PLXNA2: variants seen among roughly 807,000 people sequenced by gnomAD.
The protein encoded by PLXNA2 is plexin-A2.
Under a neutral mutation model 193.5 loss-of-function variants are expected in PLXNA2, and 91 were observed. The observed-to-expected ratio is 0.47, with a 90% CI of 0.40 to 0.56. The LOEUF (loss-of-function observed/expected upper bound fraction) is 0.56. Ranked by LOEUF, PLXNA2 falls within the 20% of genes least tolerant of loss-of-function variation. The probability of loss-of-function intolerance (pLI) is 0.00; values close to 1 mark genes in which losing one functional copy is unlikely to be tolerated. For synonymous variants in PLXNA2, 997 were observed against 1,027.3 expected, an observed-to-expected ratio of 0.97 and a Z score of 0.56; for missense variants, 1,995 against 2,503.2, an observed-to-expected ratio of 0.80 and a Z score of 4.33.
Position 208,244,371 on chromosome 1 carries a change from T to G in PLXNA2, c.-809A>C. ...GAGCGCCGGCCTCCCTATTTCACCATGCAGCTCATTATCATAGAGGCCGCG... is the reference window on the plus strand; with the variant it reads ...GAGCGCCGGCCTCCCTATTTCACCAGGCAGCTCATTATCATAGAGGCCGCG... On this transcript the variant is annotated 5_prime_UTR_variant, in exon 1 of 32. It removes an upstream start codon present in the reference 5' UTR. Transcript: ENST00000367033. 1.7e-5 allele frequency: 3 copies of G among 172,904 alleles called. 1 individual carries two copies. In the South Asian group the frequency reaches 4.0e-4, roughly 23 times the overall value. The allele number at this position is 172,904 out of a possible 1,614,324, so 10.7% of individuals were successfully genotyped here. A position where few individuals can be genotyped will look rare whatever the true frequency, so the allele number is the denominator to read the frequency against.
At chr1:208,096,969 T>A in intron 6 of PLXNA2, 86 bp from the exon 7 acceptor site, 1 of 1,274,414 alleles carries the variant, frequency 7.8e-7, no homozygotes, top group Non-Finnish European at 1.1e-6. Flanking sequence ...CCCACTTTGC[T>A]CACTGATCTC....
At chr1:208,124,679 C>CA (rs34909092) in intron 4 of PLXNA2, among the ~76,000 whole-genome samples, 1,668 of 67,694 alleles carry the variant, frequency 0.025, 30 homozygotes, top group African/African-American at 0.057. Context: ...AACTCCGTCT[C>CA]AAAAAAAAAA....
In PLXNA2 at chr1:208,110,754, G is replaced by A. The variant is rs528254787; in HGVS notation, c.1507-7507C>T. On this transcript the variant is annotated intron_variant, in intron 4 of 31. Transcript: ENST00000367033. Reference sequence around the variant, plus strand: ...TGTTTAATTCCCACACAGATGCAGCGGGGTCCAGACAGACAGAGGCAAGGA... The same window carrying A: ...TGTTTAATTCCCACACAGATGCAGCAGGGTCCAGACAGACAGAGGCAAGGA... Among the ~76,000 whole-genome samples, 18 of 152,248 alleles carry A rather than the reference G, an allele frequency of 1.2e-4. No individual in the cohort carries two copies. The East Asian group carries it at 2.5e-3, about 21-fold the overall frequency.
rs553349536 is a variant in PLXNA2 at position 208,154,876 on chromosome 1, G to C, written c.1372-12413C>G. On this transcript the variant is annotated intron_variant, in intron 3 of 31. Transcript: ENST00000367033. ...CAACATGCCAGCATGACAAGGCAGCGGCGGGAACAAATGAGATAAGGAATG... is the reference window on the plus strand; with the variant it reads ...CAACATGCCAGCATGACAAGGCAGCCGCGGGAACAAATGAGATAAGGAATG... Among the ~76,000 whole-genome samples, 6 of 152,320 alleles carry C rather than the reference G, an allele frequency of 3.9e-5. No individual in the cohort carries two copies. In the South Asian group the frequency reaches 1.2e-3, roughly 32 times the overall value.
chr1:208,153,499 T>C (rs1033326392), intron 3 of PLXNA2, among the ~76,000 whole-genome samples: 10 of 152,206 alleles, frequency 6.6e-5, no homozygotes, highest in African/African-American at 2.4e-4. Flanking sequence ...ACCTGGCGTG[T>C]AAACACCTAT....
At chr1:208,150,963 T>G (rs1413868064) in intron 3 of PLXNA2, among the ~76,000 whole-genome samples, 1 of 152,198 alleles carries the variant, frequency 6.6e-6, no homozygotes, top group East Asian at 1.9e-4. Context: ...AACACGGGGC[T>G]CAGGCCTTAG....
chr1:208,155,614 G>A (rs1031865799), intron 3 of PLXNA2, among the ~76,000 whole-genome samples: 1 of 152,208 alleles, frequency 6.6e-6, no homozygotes, highest in Non-Finnish European at 1.5e-5. Context: ...AAACTGCAAA[G>A]AAGCGGAGGT....
At chr1:208,145,634 G>A (rs1038226525) in intron 3 of PLXNA2, among the ~76,000 whole-genome samples, 6 of 152,202 alleles carry the variant, frequency 3.9e-5, no homozygotes, top group East Asian at 1.9e-4. Flanking sequence ...GATGGTACCC[G>A]TGGCAAGATT....
chr1:208,054,551 C>A lies in PLXNA2; in HGVS notation c.2739-13G>T, dbSNP rs1665365683. 1 of 1,595,782 alleles carries A rather than the reference C, an allele frequency of 6.3e-7. No individual in the cohort carries two copies. Among genetic ancestry groups the A allele is most frequent in the Non-Finnish European group, 8.6e-7 (1 of 1,163,662 alleles). ...CTCACAGACAATCCTGGGGAGAAAG[C>A]AAACCTTCTGGTGAGGGACTGGGCA... On this transcript the variant is annotated splice_polypyrimidine_tract_variant and intron_variant, in intron 13 of 31. Coordinates refer to ENST00000367033, the MANE Select transcript of PLXNA2 (RefSeq NM_025179.4).
At position 208,210,353 on chromosome 1, in the gene PLXNA2, G is replaced by A. The variant is rs1244443387; in HGVS notation, c.1298C>T (p.Thr433Ile). Reference sequence around the variant, plus strand: ...GTTGTAAACGTAGGAGGCCACAGAGGTCATGCGGTCCCTGCTGGTGGTGTA... The same window carrying A: ...GTTGTAAACGTAGGAGGCCACAGAGATCATGCGGTCCCTGCTGGTGGTGTA... ...TLYTTSRDRMTSVASYVYNGY... is the reference protein window; with the variant it reads ...TLYTTSRDRMISVASYVYNGY... Residue 433 changes from threonine to isoleucine, a missense_variant, in exon 3 of 32, where the codon ACC becomes ATC. Thr to Ile is a moderately conservative substitution (Grantham distance 89, BLOSUM62 -1). This residue lies in a region of PLXNA2 where 702 missense variants were observed against 812.9 expected (regional missense o/e 0.86). Coordinates refer to ENST00000367033, the MANE Select transcript of PLXNA2 (RefSeq NM_025179.4). 1.9e-6 allele frequency: 3 copies of A among 1,614,050 alleles called. No homozygotes were observed. Among genetic ancestry groups the A allele is most frequent in the Admixed American group, 3.3e-5 (2 of 60,010 alleles).
rs1671181574 is a variant in PLXNA2, at chr1:208,217,647, CTTG to C, written c.273_275del (p.Asn91del). ...GCACGATGAGGGGCGGGTAACAAGA[CTTG>C]TTGTCCTCTTCTGGCCCTGTCTTAT... On this transcript the variant is annotated inframe_deletion, in exon 2 of 32. Transcript: ENST00000367033. The surrounding 1 kb of genome is among the most constrained non-coding windows in gnomAD (Gnocchi z 4.7). 2 of 1,614,164 alleles carry C rather than the reference CTTG, an allele frequency of 1.2e-6. No individual in the cohort carries two copies. The highest frequency in any genetic ancestry group is 2.2e-5 in the East Asian group (1 of 44,882).
Position 208,210,428 on chromosome 1 carries a change from T to C in PLXNA2, c.1223A>G (p.Asp408Gly). Residue 408 changes from aspartate (D) to glycine (G), a missense_variant, in exon 3 of 32, where the codon GAC becomes GGC. Coordinates refer to ENST00000367033, the MANE Select transcript of PLXNA2 (RefSeq NM_025179.4). ...TGAGCCTCCCAGGGGCTGGTTGATG[T>C]CCAGTCCACAGAAGTTATCATCGAT... Reference protein sequence around the residue: ...VPIDDNFCGLDINQPLGGSTP... With the variant: ...VPIDDNFCGLGINQPLGGSTP... 6.2e-7 allele frequency: 1 copy of C among 1,613,742 alleles called. No homozygotes were observed. The highest frequency in any genetic ancestry group is 8.5e-7 in the Non-Finnish European group (1 of 1,179,880).
At position 208,024,626 on chromosome 1, in the gene PLXNA2, A is replaced by G. The variant is rs1201801816; in HGVS notation, c.*2617T>C. ...CCACCCTCCAATTGGCCATTGCCCC[A>G]TCATTCTCCACGCTCTCCACAAACC... On this transcript the variant is annotated 3_prime_UTR_variant, in exon 32 of 32. Coordinates refer to ENST00000367033, the MANE Select transcript of PLXNA2 (RefSeq NM_025179.4). 1 of 152,350 alleles carries G rather than the reference A, an allele frequency of 6.6e-6. No homozygotes were observed. Among genetic ancestry groups the G allele is most frequent in the African/African-American group, 2.4e-5 (1 of 41,440 alleles). 9.4% of individuals were successfully genotyped at this position (152,350 alleles called of 1,614,324 possible).
chr1:208,139,700 G>A (rs1668408348), intron 4 of PLXNA2, among the ~76,000 whole-genome samples: 1 of 152,198 alleles, frequency 6.6e-6, no homozygotes, highest in African/African-American at 2.4e-5. Context: ...ACACAAGCTG[G>A]ACTAGAACCC....
At chr1:208,093,900 A>G (rs1230114848) in intron 8 of PLXNA2, among the ~76,000 whole-genome samples, 1 of 152,156 alleles carries the variant, frequency 6.6e-6, no homozygotes, top group Admixed American at 6.5e-5. Context: ...GTCTTTCACA[A>G]CTAGGCCAAC....
chr1:208,190,232 G>A (rs761634755), intron 3 of PLXNA2, among the ~76,000 whole-genome samples: 3 of 152,014 alleles, frequency 2.0e-5, no homozygotes, highest in African/African-American at 2.4e-5. Flanking sequence ...ACTTACTTAC[G>A]TCATGTTTTC....
chr1:208,116,864 G>A (rs1667653236), intron 4 of PLXNA2, among the ~76,000 whole-genome samples: 1 of 152,152 alleles, frequency 6.6e-6, no homozygotes, highest in Non-Finnish European at 1.5e-5. Context: ...CCCTGACCCA[G>A]ATGAATGGAA....
intron 3 of PLXNA2, among the ~76,000 whole-genome samples, chr1:208,144,795 T>C (rs896584784): frequency 1.3e-5 from 2 of 152,186 alleles, no homozygotes; most frequent in Non-Finnish European, 2.9e-5. Flanking sequence ...GCTGTTGCCT[T>C]GTCATCTATC....
At position 208,216,010 on chromosome 1, in the gene PLXNA2, C is replaced by A. The variant is rs533074692; in HGVS notation, c.1188+725G>T. Among the ~76,000 whole-genome samples, 43 of 152,318 alleles carry A rather than the reference C, an allele frequency of 2.8e-4. No individual in the cohort carries two copies. The Middle Eastern group carries it at 0.014, about 48-fold the overall frequency. On this transcript the variant is annotated intron_variant, in intron 2 of 31. Coordinates refer to ENST00000367033, the MANE Select transcript of PLXNA2 (RefSeq NM_025179.4). ...CTTCCCTCTCCTCTGACTTAGATTTCTGATCTCCACTTGACCCCCTCACTG... is the reference window on the plus strand; with the variant it reads ...CTTCCCTCTCCTCTGACTTAGATTTATGATCTCCACTTGACCCCCTCACTG...
Sources: gnomAD v4.1 joint callset for allele counts (sites outside exome capture counted in the v4.1 genomes callset) on GRCh38, gnomAD v4.1.1 for gene constraint, gnomAD v4.1.1 regional missense constraint, Gnocchi (gnomAD v3.1) non-coding constraint, MANE v1.5 for transcripts, NCBI Gene and HGNC (gene_info 2026-07-23, HGNC 2026-07-21) for gene names.